Variants in TCF7L2 observed in about 807,000 individuals in gnomAD.
TCF7L2 encodes the protein transcription factor 7 like 2, also known as transcription factor 7-like 2.
TCF7L2 carries 23 observed loss-of-function variants against 77.9 expected under a neutral mutation model. That is an observed-to-expected ratio of 0.30 (90% CI 0.21 to 0.42). The LOEUF is 0.42. Among genes scored for constraint, TCF7L2 ranks in the 10% least tolerant of loss-of-function variants. TCF7L2 has a pLI of 1.00. For synonymous variants in TCF7L2, 413 were observed against 340.2 expected, an observed-to-expected ratio of 1.21 and a Z score of -2.36; for missense variants, 654 against 793.1, an observed-to-expected ratio of 0.82 and a Z score of 2.11.
chr10:113,155,921 C>T (rs945446851), intron 11 of TCF7L2, among the ~76,000 whole-genome samples: 12 of 152,096 alleles, frequency 7.9e-5, no homozygotes, highest in African/African-American at 2.7e-4. Context: ...AGGAACATAG[C>T]GCGTTTCAAC....
chr10:113,127,670 ATGTTCT>A (rs2065874855), intron 5 of TCF7L2, among the ~76,000 whole-genome samples: 2 of 151,888 alleles, frequency 1.3e-5, no homozygotes, highest in African/African-American at 2.4e-5. Context: ...TTTTGTGGGA[ATGTTCT>A]AAGCGTGGTG....
In TCF7L2 at chr10:113,126,739, C is replaced by CGCGGCG. The variant is rs1034199266; in HGVS notation, c.553-14438_553-14433dup. 4.1e-6 allele frequency: 4 copies of CGCGGCG among 985,680 alleles called. No homozygotes were observed. The African/African-American group carries it at 7.0e-5, about 17-fold the overall frequency. The allele number at this position is 985,680 out of a possible 1,614,324, so 61.1% of individuals were successfully genotyped here. A position where few individuals can be genotyped will look rare whatever the true frequency, so the allele number is the denominator to read the frequency against. ...GTGCTGCTCCCCTGTGCCGCGGGTG[C>CGCGGCG]GCGGCGGCGGCGCGGGCTGCAGGGC... On this transcript the variant is annotated intron_variant, in intron 5 of 13. Transcript: ENST00000627217.
chr10:112,976,986 T>C (rs915608947), intron 4 of TCF7L2, among the ~76,000 whole-genome samples: 1 of 152,186 alleles, frequency 6.6e-6, no homozygotes, highest in Non-Finnish European at 1.5e-5. Context: ...TTTTTTTTTT[T>C]TTTTTAAATG....
rs2039357326 is a variant in TCF7L2, at chr10:112,976,045, C to T, written c.450+11421C>T. Reference sequence around the variant, plus strand: ...ATAGTTCAGTTCCTGCTTCTGGAGTCAGGTATATCTATCTGGGTTTGAGTG... The same window carrying T: ...ATAGTTCAGTTCCTGCTTCTGGAGTTAGGTATATCTATCTGGGTTTGAGTG... On this transcript the variant is annotated intron_variant, in intron 4 of 13. Coordinates refer to ENST00000627217, the MANE Select transcript of TCF7L2 (RefSeq NM_001146274.2). Among the ~76,000 whole-genome samples the T allele has an allele frequency of 2.0e-5, 3 of 152,262 alleles. No homozygotes were observed. The South Asian group carries it at 6.2e-4, about 32-fold the overall frequency.
intron 5 of TCF7L2, among the ~76,000 whole-genome samples, chr10:113,112,752 C>T (rs960849956): frequency 2.6e-5 from 4 of 152,148 alleles, no homozygotes; most frequent in Admixed American, 1.3e-4. Flanking sequence ...GTACTGTCAC[C>T]TTCTCTCTGA....
At chr10:113,088,630 C>T (rs565151019) in intron 5 of TCF7L2, among the ~76,000 whole-genome samples, 11 of 152,156 alleles carry the variant, frequency 7.2e-5, no homozygotes, top group Non-Finnish European at 1.0e-4. Context: ...AAAAGACTGT[C>T]GCCTGGCAGA....
chr10:113,075,970 T>A (rs2058646881), intron 5 of TCF7L2, among the ~76,000 whole-genome samples: 1 of 151,912 alleles, frequency 6.6e-6, no homozygotes, highest in South Asian at 2.1e-4. Context: ...ACCCTGTCTC[T>A]ACTAAAAATA....
At chr10:113,154,635 G>A (rs1304164727) in intron 11 of TCF7L2, among the ~76,000 whole-genome samples, 1 of 152,142 alleles carries the variant, frequency 6.6e-6, no homozygotes, top group African/African-American at 2.4e-5. Context: ...CCTGGGAGTC[G>A]TTTAGAGAAA....
chr10:113,081,617 A>G (rs191973910), intron 5 of TCF7L2, among the ~76,000 whole-genome samples: 35 of 152,196 alleles, frequency 2.3e-4, no homozygotes, highest in African/African-American at 8.2e-4. Flanking sequence ...AAGGACAGAG[A>G]CTCTGTCAGT....
chr10:113,140,266 G>T (rs569429717), intron 5 of TCF7L2, among the ~76,000 whole-genome samples: 226 of 152,170 alleles, frequency 1.5e-3, no homozygotes, highest in Non-Finnish European at 2.3e-3. Context: ...AGCGGGAGGT[G>T]GGGGAAAGAG....
At chr10:113,122,665 G>A (rs2064987678) in intron 5 of TCF7L2, among the ~76,000 whole-genome samples, 1 of 152,122 alleles carries the variant, frequency 6.6e-6, no homozygotes, top group African/African-American at 2.4e-5. Context: ...TAAAAAAGAG[G>A]CTACTTCTAT....
intron 2 of TCF7L2, 24 bp from the exon 3 acceptor site, chr10:112,951,459 C>A: frequency 7.1e-7 from 1 of 1,402,544 alleles, no homozygotes; most frequent in Non-Finnish European, 9.5e-7. Flanking sequence ...CCGCCGCTGT[C>A]CCCTCGCCGC....
chr10:112,989,463 T>C (rs992038088), intron 4 of TCF7L2, among the ~76,000 whole-genome samples: 22 of 150,338 alleles, frequency 1.5e-4, no homozygotes, highest in African/African-American at 5.0e-4. Context: ...CCTTTACTCT[T>C]ATATGAGCAG....
At chr10:113,032,309 A>G (rs1350722649) in intron 4 of TCF7L2, among the ~76,000 whole-genome samples, 2 of 152,264 alleles carry the variant, frequency 1.3e-5, no homozygotes, top group Admixed American at 1.3e-4. Flanking sequence ...GTTCAGGGAC[A>G]GAGCTGTTAA....
intron 4 of TCF7L2, among the ~76,000 whole-genome samples, chr10:113,004,873 C>T (rs980042166): frequency 6.6e-6 from 1 of 152,042 alleles, no homozygotes; most frequent in Non-Finnish European, 1.5e-5. Context: ...GGGGTTCCAC[C>T]GTGTTGGCCA....
intron 4 of TCF7L2, among the ~76,000 whole-genome samples, chr10:112,980,850 T>C (rs1192219469): frequency 6.6e-6 from 1 of 152,106 alleles, no homozygotes; most frequent in East Asian, 1.9e-4. Context: ...ATGGTCTCGA[T>C]CTCTTGACCT....
intron 4 of TCF7L2, among the ~76,000 whole-genome samples, chr10:112,968,839 A>G (rs953928394): frequency 1.3e-5 from 2 of 152,066 alleles, no homozygotes; most frequent in African/African-American, 4.8e-5. Context: ...TGGCCTCCCA[A>G]AGTGCTGGGA....
intron 5 of TCF7L2, among the ~76,000 whole-genome samples, chr10:113,075,000 A>G (rs764264466): frequency 3.3e-5 from 5 of 151,352 alleles, no homozygotes; most frequent in Admixed American, 6.6e-5. Flanking sequence ...CAGATATAGG[A>G]AAGTATTTAT....
At chr10:113,012,336 G>C (rs1335001432) in intron 4 of TCF7L2, among the ~76,000 whole-genome samples, 1 of 152,196 alleles carries the variant, frequency 6.6e-6, no homozygotes, top group African/African-American at 2.4e-5. Context: ...CTCCGTTTAT[G>C]AAACGTAGGA....
Sources: allele counts gnomAD v4.1 joint callset (sites outside exome capture counted in the v4.1 genomes callset), GRCh38; gene constraint gnomAD v4.1.1; transcripts MANE v1.5; gene names NCBI Gene and HGNC (gene_info 2026-07-23, HGNC 2026-07-21).